DUSP22: variants seen among roughly 807,000 people sequenced by gnomAD.
DUSP22 encodes dual specificity protein phosphatase 22.
Under a neutral mutation model 24.5 loss-of-function variants are expected in DUSP22, and 24 were observed. The observed-to-expected ratio is 0.98, with a 90% CI of 0.71 to 1.38. The LOEUF (loss-of-function observed/expected upper bound fraction) is 1.38, where lower values mean the gene tolerates loss of function less well. DUSP22 is among the 40% of genes most tolerant of loss of function. The pLI is 0.00. For missense variants in DUSP22, 330 were observed against 269.2 expected, an observed-to-expected ratio of 1.23 and a Z score of -1.58; for synonymous variants, 160 against 106.4, an observed-to-expected ratio of 1.50 and a Z score of -3.10.
chr6:294,083 G>T (rs1366883398), intron 1 of DUSP22, among the ~76,000 whole-genome samples: 1 of 152,270 alleles, frequency 6.6e-6, no homozygotes, highest in Non-Finnish European at 1.5e-5. Flanking sequence ...TATAGTATTT[G>T]TGTAATACAA....
intron 3 of DUSP22, among the ~76,000 whole-genome samples, chr6:315,328 G>C (rs912955291): frequency 6.6e-6 from 1 of 152,412 alleles, no homozygotes; most frequent in South Asian, 2.1e-4. Context: ...AGCTAAACAG[G>C]GTCTAGAGAT....
chr6:347,924 G>T, intron 5 of DUSP22, among the ~76,000 whole-genome samples, 179 bp from the exon 6 acceptor site: 1 of 152,296 alleles, frequency 6.6e-6, no homozygotes, highest in East Asian at 1.9e-4. Flanking sequence ...AGGAAGCATA[G>T]GGAGCTGGTA....
chr6:309,379 G>A (rs916143281), intron 2 of DUSP22, among the ~76,000 whole-genome samples: 6 of 152,300 alleles, frequency 3.9e-5, no homozygotes, highest in Admixed American at 6.5e-5. Flanking sequence ...ATAAACTTAG[G>A]CAAAATACTT....
At chr6:343,588 T>G (rs886142315) in intron 4 of DUSP22, among the ~76,000 whole-genome samples, 1 of 111,998 alleles carries the variant, frequency 8.9e-6, no homozygotes, top group Non-Finnish European at 1.9e-5. Flanking sequence ...CAGGTCAGAG[T>G]CCGGAGTCCT....
At chr6:318,476 C>T (rs913732655) in intron 3 of DUSP22, among the ~76,000 whole-genome samples, 11 of 152,300 alleles carry the variant, frequency 7.2e-5, no homozygotes, top group African/African-American at 2.7e-4. Context: ...GACATGCAGG[C>T]CATCACCTCC....
chr6:306,113 C>T (rs1163287374), intron 2 of DUSP22, among the ~76,000 whole-genome samples: 1 of 152,296 alleles, frequency 6.6e-6, no homozygotes, highest in Non-Finnish European at 1.5e-5. Context: ...AGCAGCAAAC[C>T]CTTTGTGGTG....
chr6:304,970 T>C (rs1757755723), intron 2 of DUSP22, among the ~76,000 whole-genome samples: 1 of 152,308 alleles, frequency 6.6e-6, no homozygotes, highest in Non-Finnish European at 1.5e-5. Context: ...GGGACTGGCT[T>C]ATTTTACTGA....
chr6:306,702 A>T (rs897455621), intron 2 of DUSP22, among the ~76,000 whole-genome samples: 1 of 152,304 alleles, frequency 6.6e-6, no homozygotes, highest in Non-Finnish European at 1.5e-5. Flanking sequence ...ATTTTCCCCA[A>T]TTGTGCTGTG....
chr6:331,999 C>T (rs1453141059), intron 3 of DUSP22, among the ~76,000 whole-genome samples: 2 of 152,306 alleles, frequency 1.3e-5, no homozygotes, highest in African/African-American at 4.8e-5. Flanking sequence ...AAGCCCAGCT[C>T]TCGTTTCGTG....
chr6:316,270 C>T (rs1218201860), intron 3 of DUSP22, among the ~76,000 whole-genome samples: 2 of 152,262 alleles, frequency 1.3e-5, no homozygotes, highest in African/African-American at 4.8e-5. Flanking sequence ...CATAGCCCTT[C>T]AGGACTACAC....
intron 2 of DUSP22, among the ~76,000 whole-genome samples, chr6:305,900 G>C (rs575690843): frequency 1.3e-5 from 2 of 152,306 alleles, no homozygotes; most frequent in Non-Finnish European, 2.9e-5. Flanking sequence ...AAATTTCTGA[G>C]TTCAGATTCA....
intron 3 of DUSP22, among the ~76,000 whole-genome samples, chr6:333,769 C>T (rs1004263008): frequency 1.3e-5 from 2 of 152,296 alleles, no homozygotes; most frequent in Non-Finnish European, 2.9e-5. Context: ...TGTGCTCTGC[C>T]CCCGCCCTGC....
intron 1 of DUSP22, among the ~76,000 whole-genome samples, chr6:303,225 G>A (rs1264975444): frequency 1.3e-5 from 2 of 152,426 alleles, no homozygotes; most frequent in Non-Finnish European, 2.9e-5. Flanking sequence ...CATCCAGGAC[G>A]AACTTGCATT....
At chr6:324,186 T>C (rs139071625) in intron 3 of DUSP22, among the ~76,000 whole-genome samples, 1 of 152,424 alleles carries the variant, frequency 6.6e-6, no homozygotes, top group African/African-American at 2.4e-5. Context: ...TCTAGCCTCC[T>C]TGGTGGCCGG....
chr6:322,622 G>A (rs1449965900), intron 3 of DUSP22, among the ~76,000 whole-genome samples: 1 of 152,306 alleles, frequency 6.6e-6, no homozygotes, highest in Non-Finnish European at 1.5e-5. Context: ...TAAGGCGTTT[G>A]AAAGAGAAGA....
intron 3 of DUSP22, among the ~76,000 whole-genome samples, chr6:315,328 G>A (rs912955291): frequency 6.6e-6 from 1 of 152,412 alleles, no homozygotes; most frequent in East Asian, 1.9e-4. Flanking sequence ...AGCTAAACAG[G>A]GTCTAGAGAT....
At chr6:330,720 G>A (rs573666601) in intron 3 of DUSP22, among the ~76,000 whole-genome samples, 72 of 152,392 alleles carry the variant, frequency 4.7e-4, no homozygotes, top group African/African-American at 1.5e-3. Flanking sequence ...TTGAAGAGCC[G>A]CTGGAAAACC....
At chr6:307,359 T>G (rs1273988105) in intron 2 of DUSP22, among the ~76,000 whole-genome samples, 1 of 151,486 alleles carries the variant, frequency 6.6e-6, no homozygotes, top group Non-Finnish European at 1.5e-5. Flanking sequence ...TCTTCCCTCC[T>G]TCCTTTCAGT....
At chr6:301,494 G>A (rs975009193) in intron 1 of DUSP22, among the ~76,000 whole-genome samples, 29 of 152,306 alleles carry the variant, frequency 1.9e-4, no homozygotes, top group Non-Finnish European at 3.8e-4. Context: ...TTAAGTAAAA[G>A]GGTTGTTACT....
Sources: allele counts gnomAD v4.1 joint callset (sites outside exome capture counted in the v4.1 genomes callset), GRCh38; gene constraint gnomAD v4.1.1; transcripts MANE v1.5; gene names NCBI Gene and HGNC (gene_info 2026-07-23, HGNC 2026-07-21).